The following CD96 variants were observed in gnomAD, a reference collection of about 807,000 sequenced individuals.
CD96 encodes T-cell surface protein tactile.
A neutral mutation model predicts 71.3 loss-of-function variants in CD96; 70 were observed. The observed-to-expected ratio is 0.98, with a 90% CI of 0.81 to 1.20. CD96 has a LOEUF of 1.20. Among genes scored for constraint, CD96 ranks in the 50% most tolerant of loss-of-function variants. The pLI, the probability that CD96 is intolerant of heterozygous loss-of-function variation, is 0.00. For synonymous variants in CD96, 248 were observed against 233.0 expected, an observed-to-expected ratio of 1.06 and a Z score of -0.59; for missense variants, 742 against 677.5, an observed-to-expected ratio of 1.10 and a Z score of -1.06.
chr3:111,551,731 G>T (rs748208595), intron 2 of CD96, among the ~76,000 whole-genome samples: 1 of 151,960 alleles, frequency 6.6e-6, no homozygotes, highest in Non-Finnish European at 1.5e-5. Flanking sequence ...CACACCCTCC[G>T]ACAGGCCCCA....
intron 12 of CD96, among the ~76,000 whole-genome samples, chr3:111,641,913 G>A (rs1480976917): frequency 6.6e-6 from 1 of 152,174 alleles, no homozygotes; most frequent in African/African-American, 2.4e-5. Context: ...GGTCAAAAAT[G>A]AAATCAAGAT....
At chr3:111,616,219 C>T (rs908413893) in intron 8 of CD96, among the ~76,000 whole-genome samples, 1 of 152,154 alleles carries the variant, frequency 6.6e-6, no homozygotes, top group African/African-American at 2.4e-5. Flanking sequence ...ACTGATACAG[C>T]TGTATCACCT....
intron 3 of CD96, among the ~76,000 whole-genome samples, chr3:111,573,483 A>G (rs1045279229): frequency 9.2e-5 from 14 of 152,362 alleles, no homozygotes; most frequent in African/African-American, 3.4e-4. Context: ...CTGGATAATT[A>G]AATAGTTGGC....
At position 111,623,734 on chromosome 3, in the gene CD96, G is replaced by C. The variant is rs1248715757; in HGVS notation, c.1181-20G>C. The C allele has an allele frequency of 2.6e-6, 4 of 1,538,710 alleles. No individual in the cohort carries two copies. The highest frequency in any genetic ancestry group is 3.4e-4 in the Middle Eastern group (2 of 5,912). ...AATGTAAATACATATAATAATTTGG[G>C]AATTTTATTTTCAAAATAGGATATC... On this transcript the variant is annotated intron_variant, in intron 8 of 13. Coordinates refer to ENST00000352690, the MANE Select transcript of CD96 (RefSeq NM_005816.5).
chr3:111,650,350 A>G lies in CD96; in HGVS notation c.*544A>G, dbSNP rs903152167. 3 of 171,014 alleles carry G rather than the reference A, an allele frequency of 1.8e-5. No homozygotes were observed. The highest frequency in any genetic ancestry group is 1.4e-4 in the South Asian group (1 of 7,166). The allele number at this position is 171,014 out of a possible 1,614,324, so 10.6% of individuals were successfully genotyped here. ...TTATTTTCATGGAAGGAAACAGAATACTTTGCACAGGAACCACATTTTCAA... is the reference window on the plus strand; with the variant it reads ...TTATTTTCATGGAAGGAAACAGAATGCTTTGCACAGGAACCACATTTTCAA... On this transcript the variant is annotated 3_prime_UTR_variant, in exon 14 of 14. Transcript: ENST00000352690.
At chr3:111,553,434 CTTTTTTTT>C (rs34837219) in intron 2 of CD96, among the ~76,000 whole-genome samples, 9 of 115,184 alleles carry the variant, frequency 7.8e-5, no homozygotes, top group South Asian at 2.8e-4. Flanking sequence ...TTTCTTTTTT[CTTTTTTTT>C]TTTTTTTGGC....
At chr3:111,614,544 C>T (rs1232564208) in intron 8 of CD96, among the ~76,000 whole-genome samples, 1 of 152,184 alleles carries the variant, frequency 6.6e-6, no homozygotes, top group Admixed American at 6.5e-5. Flanking sequence ...GCTTCCTTCT[C>T]TCTGCAGCCT....
chr3:111,646,111 T>G (rs1038990708), intron 12 of CD96, among the ~76,000 whole-genome samples: 3 of 152,146 alleles, frequency 2.0e-5, no homozygotes, highest in South Asian at 2.1e-4. Context: ...CCAGATAGCT[T>G]TTTGCCCAAA....
intron 2 of CD96, among the ~76,000 whole-genome samples, 156 bp downstream of exon 2, chr3:111,545,558 G>A (rs186382934): frequency 2.5e-4 from 38 of 152,324 alleles, no homozygotes; most frequent in South Asian, 4.1e-4. Flanking sequence ...AGTGACCACA[G>A]CATTTAAGTA....
chr3:111,616,079 T>C (rs1045504266), intron 8 of CD96, among the ~76,000 whole-genome samples: 1 of 152,168 alleles, frequency 6.6e-6, no homozygotes, highest in Non-Finnish European at 1.5e-5. Context: ...CCCCATTTCC[T>C]GTTCCCCTTT....
At chr3:111,643,455 A>G (rs1366692534) in intron 12 of CD96, among the ~76,000 whole-genome samples, 3 of 152,168 alleles carry the variant, frequency 2.0e-5, no homozygotes, top group Non-Finnish European at 4.4e-5. Flanking sequence ...CTCCTCTTCA[A>G]TGTAGTACTG....
rs1281235179 is a variant in CD96 at position 111,570,963 on chromosome 3, G to T, written c.543+3316G>T. 1.9e-6 allele frequency: 3 copies of T among 1,540,852 alleles called. No individual in the cohort carries two copies. The African/African-American group carries it at 4.1e-5, about 21-fold the overall frequency. On this transcript the variant is annotated intron_variant, in intron 3 of 13. Transcript: ENST00000352690. ...GGGGGTCTTGAGTGGGCTGTGCTCT[G>T]AGGCCACCAGAGTGAAAAGCTGGGA...
At chr3:111,605,032 A>G (rs1334938879) in intron 7 of CD96, among the ~76,000 whole-genome samples, 1 of 152,206 alleles carries the variant, frequency 6.6e-6, no homozygotes, top group Non-Finnish European at 1.5e-5. Flanking sequence ...TTAAGGTACC[A>G]CTTTGGAAGA....
chr3:111,597,588 T>G (rs1937317050), intron 5 of CD96, among the ~76,000 whole-genome samples: 2 of 152,228 alleles, frequency 1.3e-5, no homozygotes, highest in Non-Finnish European at 2.9e-5. Context: ...ATTAAGCCAA[T>G]GAATTGTTTT....
chr3:111,647,802 A>T lies in CD96; in HGVS notation c.1601+136A>T, dbSNP rs535903995. On this transcript the variant is annotated intron_variant, in intron 13 of 13. Coordinates refer to ENST00000352690, the MANE Select transcript of CD96 (RefSeq NM_005816.5). ...ATAATGCTCACAGAAGCTCAGAGAG[A>T]TTATATAGCTTTCCCAGCATTACAT... is the stretch of plus-strand genomic sequence containing the variant. The T allele has an allele frequency of 4.9e-4, 335 of 688,728 alleles. 7 individuals are homozygous for T. In the South Asian group the frequency reaches 5.3e-3, roughly 11 times the overall value. The allele number at this position is 688,728 out of a possible 1,614,324, so 42.7% of individuals were successfully genotyped here.
At chr3:111,550,367 A>G (rs1423018139) in intron 2 of CD96, among the ~76,000 whole-genome samples, 1 of 152,090 alleles carries the variant, frequency 6.6e-6, no homozygotes, top group East Asian at 1.9e-4. Flanking sequence ...TAGGAAGAGT[A>G]GATAGAGGTG....
At chr3:111,642,753 G>A (rs1180848320) in intron 12 of CD96, among the ~76,000 whole-genome samples, 2 of 152,040 alleles carry the variant, frequency 1.3e-5, no homozygotes, top group African/African-American at 4.8e-5. Context: ...GTTGCAGTGA[G>A]CAGAGATTGT....
At chr3:111,664,901 G>C (rs1392555353) in intron 14 of CD96, among the ~76,000 whole-genome samples, 1 of 152,130 alleles carries the variant, frequency 6.6e-6, no homozygotes, top group African/African-American at 2.4e-5. Flanking sequence ...CTAGATAAAA[G>C]TATTTATAAC....
At chr3:111,626,601 A>T (rs1268283961) in intron 10 of CD96, among the ~76,000 whole-genome samples, 1 of 152,188 alleles carries the variant, frequency 6.6e-6, no homozygotes, top group African/African-American at 2.4e-5. Context: ...CTCCAAAATT[A>T]GTACATCTAT....
Sources: allele counts gnomAD v4.1 joint callset (sites outside exome capture counted in the v4.1 genomes callset), GRCh38; gene constraint gnomAD v4.1.1; transcripts MANE v1.5; gene names NCBI Gene and HGNC (gene_info 2026-07-23, HGNC 2026-07-21).